PTPRD: variants seen among roughly 807,000 people sequenced by gnomAD.
The protein encoded by PTPRD is receptor-type tyrosine-protein phosphatase delta.
In PTPRD, 34 loss-of-function variants were observed where a neutral mutation model predicts 214.5. That is an observed-to-expected ratio of 0.16 (90% confidence interval 0.12 to 0.21). The LOEUF (loss-of-function observed/expected upper bound fraction) is 0.21, where lower values mean the gene tolerates loss of function less well. Ranked by LOEUF, PTPRD falls within the 10% of genes least tolerant of loss-of-function variation. The pLI is 1.00. For missense variants in PTPRD, 2,545 were observed against 2,398.7 expected (o/e 1.06, Z -1.27); for synonymous variants, 1,128 against 845.7 (o/e 1.33, Z -5.79).
chr9:8,331,512 C>G, intron 44 of PTPRD, 70 bp downstream of exon 44: 1 of 1,544,532 alleles, frequency 6.5e-7, no homozygotes, highest in Non-Finnish European at 8.8e-7. Flanking sequence ...AAACTTACTA[C>G]AAAAAGTGTA....
At chr9:9,565,885 C>G (rs1442709122) in intron 8 of PTPRD, among the ~76,000 whole-genome samples, 4 of 151,758 alleles carry the variant, frequency 2.6e-5, no homozygotes, top group African/African-American at 9.7e-5. Context: ...ACCAAGTAAC[C>G]CTACTTAAAC....
At chr9:10,231,989 A>AGAGAGAGAGAGAGT (rs1245284728) in intron 3 of PTPRD, among the ~76,000 whole-genome samples, 6 of 92,500 alleles carry the variant, frequency 6.5e-5, no homozygotes, top group African/African-American at 3.2e-4. Context: ...AGAGAGAGAG[A>AGAGAGAGAGAGAGT]GTGTGTGTGT....
intron 3 of PTPRD, among the ~76,000 whole-genome samples, chr9:10,328,437 G>T (rs2154432971): frequency 6.6e-6 from 1 of 151,792 alleles, no homozygotes; most frequent in East Asian, 2.0e-4. Flanking sequence ...TTCAAGATTT[G>T]AGAGTATAGA....
intron 2 of PTPRD, among the ~76,000 whole-genome samples, chr9:10,503,589 T>C (rs1258910810): frequency 6.6e-6 from 1 of 152,096 alleles, no homozygotes; most frequent in East Asian, 1.9e-4. Context: ...ACAAACATTT[T>C]TGAGAGACTA....
chr9:9,061,947 C>A (rs1172540007), intron 10 of PTPRD, among the ~76,000 whole-genome samples: 1 of 152,074 alleles, frequency 6.6e-6, no homozygotes, highest in Non-Finnish European at 1.5e-5. Flanking sequence ...GGGATAATGG[C>A]CACCAAGAAC....
chr9:10,363,213 G>C (rs529034223), intron 2 of PTPRD, among the ~76,000 whole-genome samples: 78 of 152,198 alleles, frequency 5.1e-4, no homozygotes, highest in African/African-American at 1.7e-3. Context: ...TCTTGAATGA[G>C]GCCTGAAGTT....
intron 3 of PTPRD, among the ~76,000 whole-genome samples, chr9:10,333,016 T>C (rs1046434239): frequency 2.2e-4 from 33 of 152,046 alleles, no homozygotes; most frequent in South Asian, 2.1e-4. Flanking sequence ...TAATCTGCTT[T>C]GATCATGGAT....
chr9:9,762,109 G>C (rs966711360), intron 6 of PTPRD, among the ~76,000 whole-genome samples: 2 of 152,128 alleles, frequency 1.3e-5, no homozygotes, highest in African/African-American at 4.8e-5. Flanking sequence ...CATCACTCCA[G>C]GACAGTCCTG....
rs1286956109 is a variant in PTPRD at position 10,310,504 on chromosome 9, A to C, written c.-545+30459T>G. Among the ~76,000 whole-genome samples, 4 of 152,028 alleles carry C rather than the reference A, an allele frequency of 2.6e-5. No individual in the cohort carries two copies. In the East Asian group the frequency reaches 7.8e-4, roughly 29 times the overall value. On this transcript the variant is annotated intron_variant, in intron 3 of 45. Coordinates refer to ENST00000381196, the MANE Select transcript of PTPRD (RefSeq NM_002839.4). ...CATGCAGATAAATGGAAGGTTTAGG[A>C]AAGAGGTTGATGAGGAATGTAATGT...
intron 2 of PTPRD, among the ~76,000 whole-genome samples, chr9:10,507,603 A>G (rs573082525): frequency 6.6e-6 from 1 of 152,280 alleles, no homozygotes; most frequent in East Asian, 1.9e-4. Context: ...AAACAGAGAT[A>G]TAGACCAATG....
At chr9:9,489,975 C>T (rs540835387) in intron 8 of PTPRD, among the ~76,000 whole-genome samples, 43 of 151,844 alleles carry the variant, frequency 2.8e-4, no homozygotes, top group Non-Finnish European at 5.4e-4. Context: ...ATTTCAAAAG[C>T]CAGAAACAAA....
At chr9:9,096,454 A>G (rs1031499886) in intron 10 of PTPRD, among the ~76,000 whole-genome samples, 1 of 152,176 alleles carries the variant, frequency 6.6e-6, no homozygotes, top group Non-Finnish European at 1.5e-5. Flanking sequence ...ATTATTTCCA[A>G]GCATTAATTT....
At chr9:8,382,163 G>A (rs75666006) in intron 37 of PTPRD, among the ~76,000 whole-genome samples, 1,749 of 152,292 alleles carry the variant, frequency 0.011, 44 homozygotes, top group African/African-American at 0.04. Flanking sequence ...GTACCAGCCA[G>A]CATCAATGCA....
chr9:9,556,497 T>C (rs1311249275), intron 8 of PTPRD, among the ~76,000 whole-genome samples: 1 of 152,212 alleles, frequency 6.6e-6, no homozygotes, highest in Non-Finnish European at 1.5e-5. Flanking sequence ...CATAAATAGA[T>C]TGTAAATTCC....
intron 3 of PTPRD, among the ~76,000 whole-genome samples, chr9:10,059,807 C>A (rs414987): frequency 0.17 from 24,942 of 150,396 alleles, 4,605 homozygotes; most frequent in African/African-American, 0.46. Context: ...CTAAGCTTTA[C>A]CTGTGGATAT....
chr9:9,236,201 C>T (rs539566381), intron 9 of PTPRD, among the ~76,000 whole-genome samples: 8 of 152,084 alleles, frequency 5.3e-5, no homozygotes, highest in South Asian at 2.1e-4. Flanking sequence ...TGCAGTGAGC[C>T]GAGACTGTGC....
chr9:10,029,722 G>T (rs758760021), intron 4 of PTPRD, among the ~76,000 whole-genome samples: 20 of 152,212 alleles, frequency 1.3e-4, no homozygotes, highest in Non-Finnish European at 2.8e-4. Context: ...GAAGGAACTT[G>T]CCTTGTCTCA....
At chr9:9,599,154 A>G (rs905036496) in intron 7 of PTPRD, among the ~76,000 whole-genome samples, 1 of 152,082 alleles carries the variant, frequency 6.6e-6, no homozygotes, top group African/African-American at 2.4e-5. Flanking sequence ...CATTTCTAGA[A>G]TCCAATAAAA....
chr9:9,171,955 G>A (rs2099921465), intron 10 of PTPRD, among the ~76,000 whole-genome samples: 1 of 152,096 alleles, frequency 6.6e-6, no homozygotes, highest in African/African-American at 2.4e-5. Flanking sequence ...TATGATAGAT[G>A]ATAAGGATAT....
Sources: gnomAD v4.1 joint callset for allele counts (sites outside exome capture counted in the v4.1 genomes callset) on GRCh38, gnomAD v4.1.1 for gene constraint, MANE v1.5 for transcripts, NCBI Gene and HGNC (gene_info 2026-07-23, HGNC 2026-07-21) for gene names.